The following CERS6 variants were observed in gnomAD, a reference collection of about 807,000 sequenced individuals.
CERS6 encodes LAG1 homolog, ceramide synthase 6.
Under a neutral mutation model 56.8 loss-of-function variants are expected in CERS6, and 26 were observed. The observed-to-expected ratio is 0.46, with a 90% CI of 0.34 to 0.63. The LOEUF (loss-of-function observed/expected upper bound fraction) is 0.63, where lower values mean the gene tolerates loss of function less well. CERS6 is among the 30% of genes least tolerant of loss of function. CERS6 has a pLI of 0.01. For synonymous variants in CERS6, 164 were observed against 173.3 expected (o/e 0.95, Z 0.42); for missense variants, 415 against 467.5 (o/e 0.89, Z 1.04).
Position 168,714,690 on chromosome 2 carries a change from A to G in CERS6, c.610-311A>G, listed in dbSNP as rs140341827. 2.9e-3 allele frequency among the ~76,000 whole-genome samples: 447 copies of G among 152,290 alleles called. 3 individuals are homozygous for G. Among genetic ancestry groups the G allele is most frequent in the Non-Finnish European group, 4.7e-3 (322 of 68,006 alleles). ...ATGTCCTCCTATCTCCTGTGACCCT[A>G]AAGAAGTGCTTTGCCCTTTTTGCCA... On this transcript the variant is annotated intron_variant, in intron 6 of 9. Coordinates refer to ENST00000305747, the MANE Select transcript of CERS6 (RefSeq NM_203463.3).
intron 1 of CERS6, among the ~76,000 whole-genome samples, chr2:168,476,058 T>C: frequency 6.6e-6 from 1 of 152,164 alleles, no homozygotes; most frequent in East Asian, 1.9e-4. Flanking sequence ...CAAACTAAAA[T>C]AAACTTGTGT....
At chr2:168,511,950 GCA>G (rs10568314) in intron 1 of CERS6, among the ~76,000 whole-genome samples, 109,073 of 148,484 alleles carry the variant, frequency 0.73, 41,309 homozygotes, top group Non-Finnish European at 0.84. Context: ...GCATGCACGT[GCA>G]CACACACACA....
chr2:168,459,003 A>G (rs972410550), intron 1 of CERS6, among the ~76,000 whole-genome samples: 6 of 152,220 alleles, frequency 3.9e-5, no homozygotes, highest in South Asian at 4.1e-4. Flanking sequence ...CTCACATTCA[A>G]TGGCCTTCTA....
At chr2:168,654,467 C>T (rs968482898) in intron 4 of CERS6, among the ~76,000 whole-genome samples, 12 of 152,032 alleles carry the variant, frequency 7.9e-5, no homozygotes, top group South Asian at 2.1e-4. Context: ...CACTTGAACC[C>T]GGGAGGTGGA....
At chr2:168,727,150 A>C (rs1378903137) in intron 8 of CERS6, among the ~76,000 whole-genome samples, 1 of 152,154 alleles carries the variant, frequency 6.6e-6, no homozygotes, top group East Asian at 1.9e-4. Flanking sequence ...TACTGTTCAG[A>C]CAGAAGCATC....
intron 9 of CERS6, chr2:168,766,360 C>G: frequency 6.3e-7 from 1 of 1,595,848 alleles, no homozygotes; most frequent in Non-Finnish European, 8.5e-7. Flanking sequence ...GTTTCTCCTC[C>G]TCTCTCTCTA....
At chr2:168,594,186 TA>T (rs1683740729) in intron 3 of CERS6, among the ~76,000 whole-genome samples, 1 of 152,270 alleles carries the variant, frequency 6.6e-6, no homozygotes, top group African/African-American at 2.4e-5. Context: ...GAGTTATTCC[TA>T]AAGCAGAGTT....
At chr2:168,530,918 G>A (rs1332636474) in intron 1 of CERS6, among the ~76,000 whole-genome samples, 2 of 152,142 alleles carry the variant, frequency 1.3e-5, no homozygotes, top group Non-Finnish European at 2.9e-5. Context: ...CTTGTGAATC[G>A]TTTTTAGCTA....
chr2:168,495,639 G>T (rs953997408), intron 1 of CERS6, among the ~76,000 whole-genome samples: 1 of 152,150 alleles, frequency 6.6e-6, no homozygotes, highest in Non-Finnish European at 1.5e-5. Flanking sequence ...TTTTGCATTT[G>T]GACAATAGTG....
intron 8 of CERS6, among the ~76,000 whole-genome samples, chr2:168,728,090 C>T (rs779627166): frequency 8.5e-5 from 13 of 152,170 alleles, no homozygotes; most frequent in Non-Finnish European, 1.9e-4. Flanking sequence ...CTGTTTGTAT[C>T]AGTAAAGTTT....
chr2:168,644,420 G>C (rs1685124029), intron 4 of CERS6: 1 of 919,422 alleles, frequency 1.1e-6, no homozygotes. Flanking sequence ...GATGAACAAA[G>C]GTGGGGTCAA....
chr2:168,726,719 AT>A (rs1559069506), intron 8 of CERS6, among the ~76,000 whole-genome samples: 1 of 152,226 alleles, frequency 6.6e-6, no homozygotes, highest in Non-Finnish European at 1.5e-5. Context: ...AAACTATAAA[AT>A]TCTTTATAAA....
intron 3 of CERS6, among the ~76,000 whole-genome samples, chr2:168,607,833 A>T (rs1004295356): frequency 6.6e-6 from 1 of 152,232 alleles, no homozygotes; most frequent in African/African-American, 2.4e-5. Flanking sequence ...GAATTACAAA[A>T]TACCCTCCCC....
chr2:168,696,039 C>T (rs753519415), intron 6 of CERS6, among the ~76,000 whole-genome samples: 17 of 152,110 alleles, frequency 1.1e-4, no homozygotes, highest in Non-Finnish European at 1.6e-4. Context: ...AAGCATAATG[C>T]AAACATTCCG....
At position 168,594,087 on chromosome 2, in the gene CERS6, T is replaced by A. The variant is rs185071694; in HGVS notation, c.407+32765T>A. Among the ~76,000 whole-genome samples the A allele has an allele frequency of 2.4e-4, 37 of 152,366 alleles. No individual in the cohort carries two copies. In the East Asian group the frequency reaches 2.7e-3, roughly 11 times the overall value. On this transcript the variant is annotated intron_variant, in intron 3 of 9. Transcript: ENST00000305747. ...TTTGGGCTTATGTTAATATTCATGA[T>A]TATTTCATTTCATATACAGATAACA...
chr2:168,466,628 T>C (rs1693885814), intron 1 of CERS6, among the ~76,000 whole-genome samples: 1 of 152,248 alleles, frequency 6.6e-6, no homozygotes, highest in Non-Finnish European at 1.5e-5. Flanking sequence ...AATACTGTTT[T>C]CCGTAATTCA....
intron 3 of CERS6, among the ~76,000 whole-genome samples, chr2:168,584,652 T>G (rs573901490): frequency 6.6e-6 from 1 of 152,352 alleles, no homozygotes; most frequent in Admixed American, 6.5e-5. Flanking sequence ...TACTTGGAGT[T>G]TGATAACACT....
At chr2:168,697,564 T>A (rs1686686321) in intron 6 of CERS6, among the ~76,000 whole-genome samples, 2 of 151,982 alleles carry the variant, frequency 1.3e-5, no homozygotes, top group Admixed American at 1.3e-4. Context: ...TTTTTTTTTT[T>A]TTTTAACTTG....
intron 3 of CERS6, among the ~76,000 whole-genome samples, chr2:168,579,364 G>A (rs1352276703): frequency 2.0e-5 from 3 of 152,048 alleles, no homozygotes; most frequent in Non-Finnish European, 4.4e-5. Flanking sequence ...ATGGGTTGGG[G>A]CTTTCAAATT....
Sources: allele counts gnomAD v4.1 joint callset (sites outside exome capture counted in the v4.1 genomes callset), GRCh38; gene constraint gnomAD v4.1.1; transcripts MANE v1.5; gene names NCBI Gene and HGNC (gene_info 2026-07-23, HGNC 2026-07-21).